The following MOK variants were observed in gnomAD, a reference collection of about 807,000 sequenced individuals.
MOK encodes the protein MOK protein kinase, also known as MAPK/MAK/MRK overlapping kinase.
MOK carries 59 observed loss-of-function variants against 54.2 expected under a neutral mutation model. The observed-to-expected ratio is 1.09, with a 90% confidence interval of 0.88 to 1.35. The LOEUF is 1.35. Among genes scored for constraint, MOK ranks in the 40% most tolerant of loss-of-function variants. MOK has a pLI of 0.00. For synonymous variants in MOK, 210 were observed against 202.7 expected (o/e 1.04, Z -0.31); for missense variants, 517 against 526.2 (o/e 0.98, Z 0.17).
At chr14:102,247,892 T>C (rs1263420423) in intron 7 of MOK, among the ~76,000 whole-genome samples, 1 of 152,250 alleles carries the variant, frequency 6.6e-6, no homozygotes, top group Non-Finnish European at 1.5e-5. Context: ...CCATGGCTAA[T>C]GCCCCTCTTA....
intron 4 of MOK, among the ~76,000 whole-genome samples, chr14:102,262,750 A>G (rs541125126): frequency 6.6e-6 from 1 of 152,312 alleles, no homozygotes; most frequent in Admixed American, 6.5e-5. Context: ...TAAATCATCT[A>G]TGATGCTGTC....
downstream of MOK, among the ~76,000 whole-genome samples, chr14:102,220,732 AAAAAAG>A (rs890294142): frequency 6.6e-6 from 1 of 152,012 alleles, no homozygotes; most frequent in Non-Finnish European, 1.5e-5. The surrounding 1 kb of genome is among the most constrained non-coding windows in gnomAD (Gnocchi z 4.2). Flanking sequence ...AAAAAAAAAA[AAAAAAG>A]AAAATATTAA....
At chr14:102,264,479 G>A (rs976922702) in intron 3 of MOK, 2 of 152,206 alleles carry the variant, frequency 1.3e-5, no homozygotes, top group East Asian at 1.9e-4. Flanking sequence ...GGTTCCCAGA[G>A]TCCTGAGCAA....
chr14:102,253,717 CT>C lies in MOK; in HGVS notation c.284-1723del, dbSNP rs200740640. Among the ~76,000 whole-genome samples the C allele has an allele frequency of 3.0e-4, 45 of 152,194 alleles. No individual in the cohort carries two copies. In the East Asian group the frequency reaches 8.1e-3, roughly 27 times the overall value. On this transcript the variant is annotated intron_variant, in intron 4 of 11. Transcript: ENST00000361847. Reference sequence around the variant, plus strand: ...ACATGCCCAGCATCACAGTTTACCCCTGTTCCAGAAGATGTCAATTTTACTT... The same window carrying C: ...ACATGCCCAGCATCACAGTTTACCCCGTTCCAGAAGATGTCAATTTTACTT...
At chr14:102,269,081 G>C (rs2068141498) in intron 2 of MOK, among the ~76,000 whole-genome samples, 1 of 152,052 alleles carries the variant, frequency 6.6e-6, no homozygotes, top group African/African-American at 2.4e-5. Flanking sequence ...AGACAAAATA[G>C]ACTGCAAAAT....
chr14:102,265,701 T>C (rs1171586721), intron 3 of MOK, 122 bp downstream of exon 3: 81 of 699,948 alleles, frequency 1.2e-4, no homozygotes, highest in Non-Finnish European at 1.9e-5. Flanking sequence ...TAAGATGAAG[T>C]AAAAATGGTT....
chr14:102,277,081 G>T (rs1041900996), intron 2 of MOK, among the ~76,000 whole-genome samples: 2 of 137,848 alleles, frequency 1.5e-5, no homozygotes, highest in East Asian at 4.3e-4. Context: ...ACGACATACA[G>T]ACCAGGCTAT....
rs966660207 is a variant in MOK, at chr14:102,238,836, A to G, written c.591-5047T>C. Among the ~76,000 whole-genome samples the G allele has an allele frequency of 6.6e-6, 1 of 152,058 alleles. No homozygotes were observed. Among genetic ancestry groups the G allele is most frequent in the Admixed American group, 6.6e-5 (1 of 15,254 alleles). On this transcript the variant is annotated intron_variant, in intron 7 of 11. Transcript: ENST00000361847. This position sits in a 1 kb window ranked among gnomAD's most constrained non-coding sequence, Gnocchi z 4.8. ...CTAAAAAGTATAACTTCAAAATGTC[A>G]TATATGCTCTGTCACCTCCTCTCAA...
At chr14:102,222,116 G>T (rs1457067614), downstream of MOK, among the ~76,000 whole-genome samples, 1 of 149,374 alleles carries the variant, frequency 6.7e-6, no homozygotes, top group African/African-American at 2.5e-5. This position sits in a 1 kb window ranked among gnomAD's most constrained non-coding sequence, Gnocchi z 4.4. Context: ...GAGCCTCTCA[G>T]CAGGAGCCGC....
chr14:102,276,892 A>G (rs2068918696), intron 2 of MOK, among the ~76,000 whole-genome samples: 1 of 151,834 alleles, frequency 6.6e-6, no homozygotes, highest in Admixed American at 6.6e-5. Flanking sequence ...TCTGTCACCT[A>G]GGCTGGAGTG....
intron 2 of MOK, among the ~76,000 whole-genome samples, chr14:102,277,068 C>T (rs1214213199): frequency 1.6e-5 from 2 of 121,548 alleles, no homozygotes; most frequent in Admixed American, 1.0e-4. Context: ...AGTCTTTCTT[C>T]ATACGACATA....
chr14:102,296,801 T>G (rs1313869594), intron 1 of MOK, among the ~76,000 whole-genome samples: 1 of 152,114 alleles, frequency 6.6e-6, no homozygotes, highest in Non-Finnish European at 1.5e-5. Flanking sequence ...GGCTCACACC[T>G]GTAATCCCAG....
chr14:102,222,970 C>T (rs965434501), downstream of MOK: 3 of 1,548,548 alleles, frequency 1.9e-6, 1 homozygote, highest in Admixed American at 5.1e-5. This position sits in a 1 kb window ranked among gnomAD's most constrained non-coding sequence, Gnocchi z 4.4. Context: ...TGAGCCGTGC[C>T]AGCCGGCGGA....
downstream of MOK, chr14:102,224,939 T>TAGGG (rs201512755): frequency 4.6e-3 from 1,779 of 385,758 alleles, 59 homozygotes; most frequent in East Asian, 4.0e-3. Flanking sequence ...TCTGTCATCT[T>TAGGG]AAAGTGTTGA....
In MOK at chr14:102,230,715, TGAG is replaced by T; in HGVS notation, c.981+989_981+991del. ...GCCATCTGTGGTGACTTAGGCAAGG[TGAG>T]GAGGATGTAGGAGGCAAGAAGGCGA... is the stretch of plus-strand genomic sequence containing the variant. On this transcript the variant is annotated intron_variant, in intron 10 of 11. Coordinates refer to ENST00000361847, the MANE Select transcript of MOK (RefSeq NM_014226.3). This position sits in a 1 kb window ranked among gnomAD's most constrained non-coding sequence, Gnocchi z 4.1. 6.5e-6 allele frequency: 1 copy of T among 152,672 alleles called. No homozygotes were observed. Among genetic ancestry groups the T allele is most frequent in the Middle Eastern group, 3.3e-3 (1 of 300 alleles). The allele number at this position is 152,672 out of a possible 1,614,324, so 9.5% of individuals were successfully genotyped here. A position where few individuals can be genotyped will look rare whatever the true frequency, so the allele number is the denominator to read the frequency against.
At chr14:102,276,695 G>A (rs2068895456) in intron 2 of MOK, among the ~76,000 whole-genome samples, 1 of 151,600 alleles carries the variant, frequency 6.6e-6, no homozygotes, top group South Asian at 2.1e-4. Context: ...GGAGGCTGAG[G>A]CAGGAGAATC....
At chr14:102,256,387 ACC>A (rs762200883) in intron 4 of MOK, among the ~76,000 whole-genome samples, 1,680 of 149,254 alleles carry the variant, frequency 0.011, 17 homozygotes, top group Non-Finnish European at 0.015. Context: ...ACACGGTGAA[ACC>A]CCGTCTCTAC....
rs959291109 is a variant in MOK at position 102,305,057 on chromosome 14, C to T, written c.-89G>A. ...GGTTGTCCCCCTGCTTTCCACTTCCCTGAGGCGGGGTCCCGCACTAGGATC... is the reference window on the plus strand; with the variant it reads ...GGTTGTCCCCCTGCTTTCCACTTCCTTGAGGCGGGGTCCCGCACTAGGATC... On this transcript the variant is annotated 5_prime_UTR_variant, in exon 1 of 12. Transcript: ENST00000361847. The T allele has an allele frequency of 4.0e-6, 6 of 1,485,130 alleles. No individual in the cohort carries two copies. The Admixed American group carries it at 9.7e-5, about 24-fold the overall frequency. 92.0% of individuals were successfully genotyped at this position (1,485,130 alleles called of 1,614,324 possible).
At chr14:102,252,631 C>CTGCT (rs2066624267) in intron 4 of MOK, among the ~76,000 whole-genome samples, 3 of 152,144 alleles carry the variant, frequency 2.0e-5, no homozygotes, top group African/African-American at 7.2e-5. Flanking sequence ...TCTGGGGAAA[C>CTGCT]TGCTAAGTTT....
Sources: allele counts gnomAD v4.1 joint callset (sites outside exome capture counted in the v4.1 genomes callset), GRCh38; gene constraint gnomAD v4.1.1; non-coding constraint Gnocchi (gnomAD v3.1); transcripts MANE v1.5; gene names NCBI Gene and HGNC (gene_info 2026-07-23, HGNC 2026-07-21).